The following RANBP2 variants were observed in gnomAD, a reference collection of about 807,000 sequenced individuals.
RANBP2 encodes E3 SUMO-protein ligase RanBP2.
RANBP2 carries 57 observed loss-of-function variants against 303.6 expected under a neutral mutation model. The ratio of observed to expected loss-of-function variants is 0.19; its 90% CI spans 0.15 to 0.23. The LOEUF (loss-of-function observed/expected upper bound fraction) is 0.23. RANBP2 is among the 10% of genes least tolerant of loss of function. The pLI, the probability that RANBP2 is intolerant of heterozygous loss-of-function variation, is 1.00. For missense variants in RANBP2, 3,138 were observed against 3,780.8 expected (o/e 0.83, Z 4.46); for synonymous variants, 1,167 against 1,301.5 (o/e 0.90, Z 2.23).
At chr2:109,566,044 T>C in the RANBP2 span, among the ~76,000 whole-genome samples, 7 of 152,176 alleles carry the variant, frequency 4.6e-5, no homozygotes, top group Admixed American at 1.3e-4. Flanking sequence ...GAGTCATCTT[T>C]GGGCCCCATA....
chr2:108,766,377 A>G lies in RANBP2; in HGVS notation c.5838A>G (p.Thr1946=). Reference sequence around the variant, plus strand: ...TTGGCCAAACAAGTAGCACTTTTACATTTGCAGATCTTGCAAAATCAACTT... The same window carrying G: ...TTGGCCAAACAAGTAGCACTTTTACGTTTGCAGATCTTGCAAAATCAACTT... ...VIFGQTSSTF[T]FADLAKSTSG... The change falls in exon 20 of 29, where the codon ACA becomes ACG. Residue 1946 remains threonine, a synonymous_variant. Coordinates refer to ENST00000283195, the MANE Select transcript of RANBP2 (RefSeq NM_006267.5). 8 of 1,611,996 alleles carry G rather than the reference A, an allele frequency of 5.0e-6. No homozygotes were observed. The highest frequency in any genetic ancestry group is 6.8e-6 in the Non-Finnish European group (8 of 1,179,850).
At chr2:109,004,003 G>C in the RANBP2 span, among the ~76,000 whole-genome samples, 1 of 152,200 alleles carries the variant, frequency 6.6e-6, no homozygotes, top group Non-Finnish European at 1.5e-5. Flanking sequence ...AAAGAGGGAT[G>C]ACAGGCATTG....
chr2:108,768,418 A>G (rs1431375386), intron 20 of RANBP2, 30 bp downstream of exon 20: 2 of 1,608,982 alleles, frequency 1.2e-6, no homozygotes, highest in African/African-American at 2.7e-5. Context: ...AGTTAAGCAC[A>G]ATTTTTCTTT....
At chr2:109,584,986 ATTATT>A in the RANBP2 span, 1 of 429,800 alleles carries the variant, frequency 2.3e-6, no homozygotes, top group Non-Finnish European at 4.1e-6. Context: ...ATATTGTTTA[ATTATT>A]TTATTTTTAA....
the RANBP2 span, chr2:108,856,752 G>C: frequency 1.9e-5 from 30 of 1,584,178 alleles, no homozygotes; most frequent in Non-Finnish European, 2.6e-5. Flanking sequence ...TTGACACCTA[G>C]ACTAGCAAAA....
the RANBP2 span, among the ~76,000 whole-genome samples, chr2:109,653,192 C>T: frequency 2.0e-4 from 30 of 151,880 alleles, no homozygotes; most frequent in African/African-American, 5.8e-4. Context: ...GTCAAGAGTT[C>T]GAGACCAGCC....
chr2:108,921,976 A>C, the RANBP2 span, among the ~76,000 whole-genome samples: 1 of 152,122 alleles, frequency 6.6e-6, no homozygotes, highest in Non-Finnish European at 1.5e-5. Context: ...TGGGGGTGGG[A>C]GTGGGGTGCG....
chr2:108,828,556 C>A, the RANBP2 span, among the ~76,000 whole-genome samples: 1 of 152,134 alleles, frequency 6.6e-6, no homozygotes, highest in South Asian at 2.1e-4. Flanking sequence ...CACATATAGT[C>A]CAATGATTTT....
the RANBP2 span, chr2:109,593,072 T>C: frequency 1.2e-6 from 2 of 1,601,234 alleles, no homozygotes; most frequent in Non-Finnish European, 1.7e-6. Context: ...CATCTGATCC[T>C]TGTGAAGACA....
the RANBP2 span, among the ~76,000 whole-genome samples, chr2:109,485,347 T>G: frequency 6.6e-6 from 1 of 152,246 alleles, no homozygotes; most frequent in Admixed American, 6.5e-5. Flanking sequence ...AAATGACTTG[T>G]ATCTCTGTTT....
the RANBP2 span, among the ~76,000 whole-genome samples, chr2:109,078,267 CGTAT>C: frequency 2.8e-4 from 5 of 17,554 alleles, 1 homozygote; most frequent in East Asian, 1.8e-3. Context: ...ATATATAGCG[CGTAT>C]ATATATATAT....
chr2:108,969,528 A>G, the RANBP2 span, among the ~76,000 whole-genome samples: 1 of 152,284 alleles, frequency 6.6e-6, no homozygotes, highest in East Asian at 1.9e-4. Context: ...CATGAAGCAG[A>G]CCTTTATATG....
At chr2:109,642,546 G>A in the RANBP2 span, among the ~76,000 whole-genome samples, 1 of 150,546 alleles carries the variant, frequency 6.6e-6, no homozygotes. Flanking sequence ...TCAGGAGATT[G>A]AGACCATCCT....
At chr2:109,031,378 C>T in the RANBP2 span, among the ~76,000 whole-genome samples, 2 of 152,270 alleles carry the variant, frequency 1.3e-5, no homozygotes, top group East Asian at 1.9e-4. Context: ...GAAACAGCTT[C>T]CTCCAGCCTT....
At chr2:108,793,416 A>G in the RANBP2 span, among the ~76,000 whole-genome samples, 1 of 152,336 alleles carries the variant, frequency 6.6e-6, no homozygotes, top group South Asian at 2.1e-4. Flanking sequence ...AAATTCTGAC[A>G]GTATAGTGCT....
At chr2:109,440,949 G>A in the RANBP2 span, among the ~76,000 whole-genome samples, 10 of 152,190 alleles carry the variant, frequency 6.6e-5, no homozygotes, top group African/African-American at 1.4e-4. Flanking sequence ...CCAGCCAGAC[G>A]GAAAAATTGC....
the RANBP2 span, among the ~76,000 whole-genome samples, chr2:108,925,397 C>A: frequency 1.3e-5 from 2 of 152,120 alleles, no homozygotes; most frequent in Non-Finnish European, 2.9e-5. Flanking sequence ...GGCTACACGG[C>A]GGATGCACAA....
At chr2:109,664,664 T>A in the RANBP2 span, among the ~76,000 whole-genome samples, 1 of 151,928 alleles carries the variant, frequency 6.6e-6, no homozygotes, top group Non-Finnish European at 1.5e-5. Context: ...GCACGGTGGC[T>A]CACACCTGTA....
intron 1 of RANBP2, 32 bp downstream of exon 1, chr2:108,719,710 G>A (rs1330943267): frequency 6.4e-6 from 10 of 1,569,974 alleles, no homozygotes; most frequent in Non-Finnish European, 8.6e-6. Flanking sequence ...CGACGGCCTC[G>A]ACCTGGCCGG....
Sources: gnomAD v4.1 joint callset for allele counts (sites outside exome capture counted in the v4.1 genomes callset) on GRCh38, gnomAD v4.1.1 for gene constraint, MANE v1.5 for transcripts, NCBI Gene and HGNC (gene_info 2026-07-23, HGNC 2026-07-21) for gene names.